CYP2C19: variants seen among roughly 807,000 people sequenced by gnomAD.
CYP2C19 encodes the protein cytochrome P450 2C19.
A neutral mutation model predicts 40.9 loss-of-function variants in CYP2C19; 59 were observed. The ratio of observed to expected loss-of-function variants is 1.44; its 90% CI spans 1.17 to 1.79. CYP2C19 has a LOEUF of 1.79. CYP2C19 is among the 40% of genes most tolerant of loss of function. The probability of loss-of-function intolerance (pLI) is 0.00; values close to 1 mark genes in which losing one functional copy is unlikely to be tolerated. For synonymous variants in CYP2C19, 253 were observed against 208.7 expected (o/e 1.21, Z -1.83); for missense variants, 754 against 596.9 (o/e 1.26, Z -2.74).
chr10:94,830,517 C>T (rs1212912868), intron 6 of CYP2C19, among the ~76,000 whole-genome samples: 2 of 152,164 alleles, frequency 1.3e-5, no homozygotes, highest in African/African-American at 4.8e-5. Flanking sequence ...CTTCGGCTCC[C>T]GCAGGGTGCA....
intron 6 of CYP2C19, among the ~76,000 whole-genome samples, chr10:94,830,578 C>T (rs887332862): frequency 2.0e-4 from 31 of 152,270 alleles, no homozygotes; most frequent in Middle Eastern, 3.4e-3. Flanking sequence ...TGAGATGAAC[C>T]GGGTACCTCA....
intron 5 of CYP2C19, among the ~76,000 whole-genome samples, chr10:94,817,797 A>G (rs894583275): frequency 3.9e-5 from 6 of 151,920 alleles, no homozygotes; most frequent in African/African-American, 1.5e-4. Context: ...GCGGATCACG[A>G]GGTCAGGAGA....
intron 5 of CYP2C19, among the ~76,000 whole-genome samples, chr10:94,802,710 A>C (rs1848783856): frequency 6.6e-6 from 1 of 152,058 alleles, no homozygotes; most frequent in Non-Finnish European, 1.5e-5. Context: ...GTGTTTTTGC[A>C]GTGGCTGGTA....
intron 5 of CYP2C19, among the ~76,000 whole-genome samples, chr10:94,799,371 C>T (rs997193388): frequency 1.3e-5 from 2 of 152,182 alleles, no homozygotes; most frequent in South Asian, 2.1e-4. Context: ...CTGAGAGAGG[C>T]ACTGTTAGTC....
At chr10:94,827,545 TTC>T in intron 6 of CYP2C19, among the ~76,000 whole-genome samples, 1 of 152,296 alleles carries the variant, frequency 6.6e-6, no homozygotes, top group East Asian at 1.9e-4. Flanking sequence ...TATTTGATTC[TTC>T]TCTCTCTTTT....
At position 94,799,653 on chromosome 10, in the gene CYP2C19, C is replaced by G. The variant is rs146082615; in HGVS notation, c.819+17656C>G. ...TACACCAATCAAATGTAGATTTGGT[C>G]TTTTCACATAGTCCAATATTTCTTG... On this transcript the variant is annotated intron_variant, in intron 5 of 8. Transcript: ENST00000371321. Among the ~76,000 whole-genome samples, 474 of 152,290 alleles carry G rather than the reference C, an allele frequency of 3.1e-3. 3 individuals are homozygous for G. Among genetic ancestry groups the G allele is most frequent in the African/African-American group, 0.011 (451 of 41,556 alleles).
chr10:94,765,575 G>A (rs952824207), intron 1 of CYP2C19, among the ~76,000 whole-genome samples: 9 of 152,222 alleles, frequency 5.9e-5, no homozygotes, highest in Middle Eastern at 3.4e-3. Context: ...AGAAAAAACC[G>A]TTCTGTGTCT....
intron 5 of CYP2C19, among the ~76,000 whole-genome samples, chr10:94,793,987 T>C (rs1200730525): frequency 3.3e-5 from 5 of 152,120 alleles, no homozygotes; most frequent in Non-Finnish European, 5.9e-5. Flanking sequence ...GCAGGCCTCC[T>C]TGAGGTGCGG....
intron 5 of CYP2C19, among the ~76,000 whole-genome samples, chr10:94,798,328 T>C (rs1848716526): frequency 6.6e-6 from 1 of 152,212 alleles, no homozygotes; most frequent in Non-Finnish European, 1.5e-5. Context: ...TCCTGAGTTA[T>C]AATTTGATTG....
rs1848388977 is a variant in CYP2C19, at chr10:94,775,129, T to C, written c.240T>C (p.Tyr80=). 6.2e-7 allele frequency: 1 copy of C among 1,614,140 alleles called. No individual in the cohort carries two copies. The highest frequency in any genetic ancestry group is 1.3e-5 in the African/African-American group (1 of 75,060). Residue 80 remains tyrosine (Y), a synonymous_variant, in exon 2 of 9, where the codon TAT becomes TAC. Coordinates refer to ENST00000371321, the MANE Select transcript of CYP2C19 (RefSeq NM_000769.4). ...GLERMVVLHG[Y]EVVKEALIDL... ...AACGCATGGTGGTGCTGCATGGATA[T>C]GAAGTGGTGAAGGAAGCCCTGATTG... is the stretch of plus-strand genomic sequence containing the variant.
At chr10:94,776,778 A>G (rs980648951) in intron 3 of CYP2C19, among the ~76,000 whole-genome samples, 2 of 152,170 alleles carry the variant, frequency 1.3e-5, no homozygotes, top group Admixed American at 1.3e-4. Context: ...CCTATTCAAC[A>G]TAGCTTTGGA....
chr10:94,773,405 C>A (rs1001271202), intron 1 of CYP2C19, among the ~76,000 whole-genome samples: 2 of 152,162 alleles, frequency 1.3e-5, no homozygotes, highest in African/African-American at 4.8e-5. Context: ...TTGCTGACTT[C>A]AAGGGTGAAG....
At chr10:94,849,482 A>C (rs1849620018) in intron 7 of CYP2C19, among the ~76,000 whole-genome samples, 1 of 151,938 alleles carries the variant, frequency 6.6e-6, no homozygotes, top group Non-Finnish European at 1.5e-5. Flanking sequence ...ATTTTTTTTA[A>C]ATTTTATTAT....
chr10:94,767,484 G>A (rs1398977112), intron 1 of CYP2C19, among the ~76,000 whole-genome samples: 3 of 152,150 alleles, frequency 2.0e-5, no homozygotes, highest in Non-Finnish European at 4.4e-5. Flanking sequence ...TATCAACACA[G>A]ACCAACAAGT....
At chr10:94,773,144 A>G (rs1298415609) in intron 1 of CYP2C19, among the ~76,000 whole-genome samples, 1 of 152,200 alleles carries the variant, frequency 6.6e-6, no homozygotes, top group Non-Finnish European at 1.5e-5. Flanking sequence ...AAGGAAAAAT[A>G]GGACAGAACA....
intron 5 of CYP2C19, among the ~76,000 whole-genome samples, chr10:94,813,880 A>G (rs2134262238): frequency 6.6e-6 from 1 of 151,384 alleles, no homozygotes; most frequent in South Asian, 2.1e-4. Context: ...ATGACCACCC[A>G]GTTTTGTGCT....
chr10:94,793,758 C>T (rs1008897321), intron 5 of CYP2C19, among the ~76,000 whole-genome samples: 5 of 152,126 alleles, frequency 3.3e-5, no homozygotes, highest in Non-Finnish European at 7.3e-5. Flanking sequence ...TATGGGGTGT[C>T]AGTCGGCCCC....
intron 4 of CYP2C19, among the ~76,000 whole-genome samples, chr10:94,781,561 T>C (rs1848478411): frequency 6.6e-6 from 1 of 152,120 alleles, no homozygotes; most frequent in African/African-American, 2.4e-5. Context: ...AGAGAATTAA[T>C]ATAAAGATGC....
chr10:94,818,382 T>C (rs934786723), intron 5 of CYP2C19, among the ~76,000 whole-genome samples: 3 of 152,022 alleles, frequency 2.0e-5, no homozygotes, highest in Non-Finnish European at 4.4e-5. Context: ...GGCTCTTTTT[T>C]GGTTCCATAT....
Sources: allele counts gnomAD v4.1 joint callset (sites outside exome capture counted in the v4.1 genomes callset), GRCh38; gene constraint gnomAD v4.1.1; transcripts MANE v1.5; gene names NCBI Gene and HGNC (gene_info 2026-07-23, HGNC 2026-07-21).